The following TMED10 variants were observed in gnomAD, a reference collection of about 807,000 sequenced individuals.
TMED10 encodes transmembrane emp24 domain-containing protein 10.
In TMED10, 7 loss-of-function variants were observed where a neutral mutation model predicts 23.1. That is an observed-to-expected ratio of 0.30 (90% CI 0.17 to 0.57). TMED10 has a LOEUF of 0.57. Among genes scored for constraint, TMED10 ranks in the 20% least tolerant of loss-of-function variants. The probability of loss-of-function intolerance (pLI) is 0.91; values close to 1 mark genes in which losing one functional copy is unlikely to be tolerated. For synonymous variants in TMED10, 113 were observed against 106.9 expected (o/e 1.06, Z -0.35); for missense variants, 162 against 274.8 (o/e 0.59, Z 2.90).
At chr14:75,144,547 G>A (rs1415566525) in intron 3 of TMED10, among the ~76,000 whole-genome samples, 1 of 152,146 alleles carries the variant, frequency 6.6e-6, no homozygotes, top group Non-Finnish European at 1.5e-5. Flanking sequence ...AACAATTTAG[G>A]TAGGTAGTGT....
intron 1 of TMED10, among the ~76,000 whole-genome samples, chr14:75,162,265 AAAAC>A (rs1467362197): frequency 3.3e-5 from 5 of 152,254 alleles, no homozygotes; most frequent in East Asian, 1.9e-4. Context: ...GCTCTGTCTC[AAAAC>A]AAACAAACAA....
intron 1 of TMED10, among the ~76,000 whole-genome samples, chr14:75,155,359 T>C (rs1896009079): frequency 6.6e-6 from 1 of 152,180 alleles, no homozygotes; most frequent in Non-Finnish European, 1.5e-5. Context: ...TGAGTCTAAA[T>C]GAGGAGAGGA....
At chr14:75,152,195 A>T in intron 1 of TMED10, 52 bp from the exon 2 acceptor site, 1 of 1,388,112 alleles carries the variant, frequency 7.2e-7, no homozygotes, top group Non-Finnish European at 1.0e-6. Context: ...TCAGGAAGAG[A>T]ACTTACAGAA....
At chr14:75,151,266 G>C (rs1210572353) in intron 2 of TMED10, among the ~76,000 whole-genome samples, 2 of 151,904 alleles carry the variant, frequency 1.3e-5, no homozygotes, top group Non-Finnish European at 2.9e-5. Flanking sequence ...TGTCACCCAG[G>C]CTGGAGTGCA....
intron 3 of TMED10, among the ~76,000 whole-genome samples, chr14:75,141,707 TAAAG>T (rs1180575810): frequency 6.6e-6 from 1 of 152,178 alleles, no homozygotes; most frequent in Admixed American, 6.5e-5. Context: ...AGAAATTTAA[TAAAG>T]AAAACCAGAT....
At chr14:75,167,434 A>T (rs1487341882) in intron 1 of TMED10, among the ~76,000 whole-genome samples, 1 of 64,904 alleles carries the variant, frequency 1.5e-5, no homozygotes, top group South Asian at 5.8e-4. Context: ...CCTCGCCCCC[A>T]CCCCCACCAC....
chr14:75,142,118 TCTA>T (rs1417231782), intron 3 of TMED10, among the ~76,000 whole-genome samples: 4 of 152,202 alleles, frequency 2.6e-5, no homozygotes, highest in African/African-American at 7.2e-5. Context: ...GGTATTCTAT[TCTA>T]CTCTCCTTCA....
chr14:75,174,544 T>C lies in TMED10; in HGVS notation c.225+1811A>G, dbSNP rs149341944. Reference sequence around the variant, plus strand: ...ACCCCGGAAACACTATATCTAAGCTTCTAAAATCATGCCATCACTATTTTC... The same window carrying C: ...ACCCCGGAAACACTATATCTAAGCTCCTAAAATCATGCCATCACTATTTTC... On this transcript the variant is annotated intron_variant, in intron 1 of 4. Coordinates refer to ENST00000303575, the MANE Select transcript of TMED10 (RefSeq NM_006827.6). 1.8e-4 allele frequency among the ~76,000 whole-genome samples: 27 copies of C among 152,142 alleles called. No individual in the cohort carries two copies. The East Asian group carries it at 5.2e-3, about 29-fold the overall frequency.
At chr14:75,137,116 T>G (rs998345581) in intron 3 of TMED10, among the ~76,000 whole-genome samples, 4 of 151,474 alleles carry the variant, frequency 2.6e-5, no homozygotes, top group Non-Finnish European at 4.4e-5. Context: ...GTTCAAGTGA[T>G]TCTCCTGCCT....
rs1166341231 is a variant in TMED10 at position 75,134,846 on chromosome 14, G to A, written c.*39C>T. The A allele has an allele frequency of 4.3e-6, 7 of 1,611,850 alleles. No individual in the cohort carries two copies. The East Asian group carries it at 1.3e-4, about 31-fold the overall frequency. On this transcript the variant is annotated 3_prime_UTR_variant, in exon 5 of 5. Coordinates refer to ENST00000303575, the MANE Select transcript of TMED10 (RefSeq NM_006827.6). ...AGGCACGTCCCAGCGATGTTCTGCT[G>A]GCTGAGGTACAAGGTGGGAGGAGAA... is the stretch of plus-strand genomic sequence containing the variant.
intron 1 of TMED10, chr14:75,176,029 A>T (rs1033496774): frequency 5.1e-6 from 2 of 388,552 alleles, no homozygotes; most frequent in Non-Finnish European, 9.6e-6. Flanking sequence ...TCAACACCCC[A>T]ACATTTATTT....
intron 3 of TMED10, chr14:75,147,413 C>T (rs982940476): frequency 1.8e-5 from 9 of 502,420 alleles, no homozygotes; most frequent in South Asian, 1.0e-4. Flanking sequence ...AGGCTGGTAT[C>T]GAACTCCTGA....
At chr14:75,170,964 G>A (rs138373529) in intron 1 of TMED10, among the ~76,000 whole-genome samples, 87 of 152,176 alleles carry the variant, frequency 5.7e-4, no homozygotes, top group African/African-American at 1.1e-3. Flanking sequence ...ATTACCACCC[G>A]GGTAGAGAAA....
intron 1 of TMED10, among the ~76,000 whole-genome samples, chr14:75,156,315 A>G (rs901082615): frequency 1.4e-4 from 21 of 152,050 alleles, no homozygotes; most frequent in Admixed American, 2.0e-4. Context: ...AAGGTTTATT[A>G]AATTGTATTT....
In TMED10 at chr14:75,131,691, A is replaced by G. The variant is rs1895686752; in HGVS notation, c.*3194T>C. 1 of 152,454 alleles carries G rather than the reference A, an allele frequency of 6.6e-6. No homozygotes were observed. Among genetic ancestry groups the G allele is most frequent in the Admixed American group, 6.5e-5 (1 of 15,284 alleles). The allele number at this position is 152,454 out of a possible 1,614,324, so 9.4% of individuals were successfully genotyped here. ...GGATAATATGCTCAAAAATGGAGGA[A>G]AGCACATAACACCCGATTTTAAAGC... On this transcript the variant is annotated 3_prime_UTR_variant, in exon 5 of 5. Coordinates refer to ENST00000303575, the MANE Select transcript of TMED10 (RefSeq NM_006827.6).
chr14:75,139,868 T>C (rs1555355660), intron 3 of TMED10, among the ~76,000 whole-genome samples: 2 of 152,112 alleles, frequency 1.3e-5, no homozygotes, highest in African/African-American at 2.4e-5. Context: ...TAGTACACCA[T>C]GGATACTCAA....
chr14:75,147,551 G>A (rs1895902144), intron 3 of TMED10, 113 bp downstream of exon 3: 6 of 1,106,254 alleles, frequency 5.4e-6, no homozygotes, highest in African/African-American at 4.6e-5. Flanking sequence ...TCACAAGACT[G>A]CTAAGAAACC....
At chr14:75,152,219 A>T in intron 1 of TMED10, 76 bp from the exon 2 acceptor site, 2 of 1,146,106 alleles carry the variant, frequency 1.7e-6, no homozygotes, top group Non-Finnish European at 2.6e-6. Context: ...GGGAAGATAG[A>T]GACACTATCT....
At chr14:75,168,253 T>C (rs969850405) in intron 1 of TMED10, among the ~76,000 whole-genome samples, 1 of 152,170 alleles carries the variant, frequency 6.6e-6, no homozygotes, top group African/African-American at 2.4e-5. Flanking sequence ...AATTCTATTA[T>C]TTTAACTTGT....
Sources: allele counts gnomAD v4.1 joint callset (sites outside exome capture counted in the v4.1 genomes callset), GRCh38; gene constraint gnomAD v4.1.1; transcripts MANE v1.5; gene names NCBI Gene and HGNC (gene_info 2026-07-23, HGNC 2026-07-21).